EEF2K: variants seen among roughly 807,000 people sequenced by gnomAD.
EEF2K encodes the protein alternative protein EEF2K.
In EEF2K, 70 loss-of-function variants were observed where a neutral mutation model predicts 93.8. That is an observed-to-expected ratio of 0.75 (90% confidence interval 0.62 to 0.91). EEF2K has a LOEUF of 0.91. Ranked by LOEUF, EEF2K falls within the 40% of genes least tolerant of loss-of-function variation. The pLI is 0.00. For synonymous variants in EEF2K, 376 were observed against 380.8 expected (o/e 0.99, Z 0.15); for missense variants, 935 against 972.9 (o/e 0.96, Z 0.52).
chr16:22,207,296 C>T (rs2046873002), intron 1 of EEF2K, among the ~76,000 whole-genome samples: 1 of 152,148 alleles, frequency 6.6e-6, no homozygotes, highest in African/African-American at 2.4e-5. Context: ...AGCCCAGCTG[C>T]GCCCTGAGTG....
intron 17 of EEF2K, 35 bp downstream of exon 17, chr16:22,280,411 AG>A (rs754233699): frequency 7.9e-5 from 112 of 1,425,102 alleles, no homozygotes; most frequent in Non-Finnish European, 1.0e-4. Context: ...GGGCTGCAAC[AG>A]GGCTGGGCAG....
At position 22,273,646 on chromosome 16, in the gene EEF2K, C is replaced by T; in HGVS notation, c.1785C>T (p.Thr595=). Residue 595 remains threonine, a synonymous_variant, in exon 16 of 18, where the codon ACC becomes ACT. Transcript: ENST00000263026. The stretch of plus-strand genomic sequence containing the variant: ...AACAGGAGACAGAAGAGAACAAAAC[C>T]AAAGGATTTGATTACTTACTAAAGG... The part of the protein sequence containing the change: ...VSLKETEENK[T]KGFDYLLKAA... The T allele has an allele frequency of 1.2e-6, 2 of 1,614,124 alleles. No individual in the cohort carries two copies. The highest frequency in any genetic ancestry group is 1.7e-6 in the Non-Finnish European group (2 of 1,180,018).
intron 2 of EEF2K, among the ~76,000 whole-genome samples, chr16:22,233,427 C>T (rs2141657589): frequency 6.6e-6 from 1 of 151,836 alleles, no homozygotes; most frequent in Admixed American, 6.6e-5. Context: ...GTCTGTAATC[C>T]TAGGACTTTT....
At chr16:22,274,922 C>CT (rs1251197311) in intron 16 of EEF2K, among the ~76,000 whole-genome samples, 1 of 152,166 alleles carries the variant, frequency 6.6e-6, no homozygotes, top group Non-Finnish European at 1.5e-5. Flanking sequence ...TATTTTGGCT[C>CT]TATTTTTTGG....
Position 22,262,001 on chromosome 16 carries a change from CCACACA to C in EEF2K, c.1300-1078_1300-1073del, listed in dbSNP as rs71151667. On this transcript the variant is annotated intron_variant, in intron 11 of 17. Transcript: ENST00000263026. The stretch of plus-strand genomic sequence containing the variant: ...GCCTGGGTGACAACGTGAGACCCTG[CCACACA>C]CACACACACACACACACACACACAC... Among the ~76,000 whole-genome samples, 258 of 138,100 alleles carry C rather than the reference CCACACA, an allele frequency of 1.9e-3. 1 individual carries two copies. Among genetic ancestry groups the C allele is most frequent in the South Asian group, 4.6e-3 (19 of 4,134 alleles). 90.6% of individuals were successfully genotyped at this position (138,100 alleles called of 152,430 possible). A position where few individuals can be genotyped will look rare whatever the true frequency, so the allele number is the denominator to read the frequency against.
intron 2 of EEF2K, among the ~76,000 whole-genome samples, chr16:22,234,181 C>T (rs1159954680): frequency 3.9e-5 from 6 of 152,204 alleles, no homozygotes; most frequent in South Asian, 2.1e-4. Flanking sequence ...GTTACACCAT[C>T]GTGTGTGCCC....
rs1322257482 is a variant in EEF2K at position 22,284,675 on chromosome 16, T to A, written c.*679T>A. ...TGCCTTGAATGGACAATTTTAGGGC[T>A]GTGCTCACTAGTCTTTTCAGGCTGG... On this transcript the variant is annotated 3_prime_UTR_variant, in exon 18 of 18. Coordinates refer to ENST00000263026, the MANE Select transcript of EEF2K (RefSeq NM_013302.5). 1 of 152,050 alleles carries A rather than the reference T, an allele frequency of 6.6e-6. No individual in the cohort carries two copies. Among genetic ancestry groups the A allele is most frequent in the African/African-American group, 2.4e-5 (1 of 41,378 alleles). 9.4% of individuals were successfully genotyped at this position (152,050 alleles called of 1,614,324 possible). A position where few individuals can be genotyped will look rare whatever the true frequency, so the allele number is the denominator to read the frequency against.
In EEF2K at chr16:22,248,765, G is replaced by A. The variant is rs760638533; in HGVS notation, c.358G>A (p.Val120Ile). Reference sequence around the variant, plus strand: ...GATGGGTCTCTGCAGGTACAACGCCGTCACCGGGGAATGGCTGGATGATGA... The same window carrying A: ...GATGGGTCTCTGCAGGTACAACGCCATCACCGGGGAATGGCTGGATGATGA... ...ERATRHRYNA[V>I]TGEWLDDEVL... Residue 120 changes from valine (V) to isoleucine (I), a missense_variant, in exon 4 of 18, where the codon GTC becomes ATC. Coordinates refer to ENST00000263026, the MANE Select transcript of EEF2K (RefSeq NM_013302.5). 4.2e-5 allele frequency: 68 copies of A among 1,613,908 alleles called. No homozygotes were observed. In the Middle Eastern group the frequency reaches 1.5e-3, roughly 35 times the overall value.
chr16:22,218,593 A>T (rs2046982006), intron 1 of EEF2K, among the ~76,000 whole-genome samples: 1 of 152,170 alleles, frequency 6.6e-6, no homozygotes, highest in African/African-American at 2.4e-5. Context: ...AGACTGAAAT[A>T]GTGTATTCCC....
chr16:22,254,420 C>A (rs1450417169), intron 6 of EEF2K, among the ~76,000 whole-genome samples: 1 of 152,152 alleles, frequency 6.6e-6, no homozygotes, highest in African/African-American at 2.4e-5. Flanking sequence ...CCTTCGGCCT[C>A]TGCATCTGTT....
In EEF2K at chr16:22,280,911, C is replaced by T. The variant is rs190384450; in HGVS notation, c.2068+535C>T. 4.7e-4 allele frequency among the ~76,000 whole-genome samples: 71 copies of T among 152,226 alleles called. No individual in the cohort carries two copies. The East Asian group carries it at 0.012, about 27-fold the overall frequency. On this transcript the variant is annotated intron_variant, in intron 17 of 17. Transcript: ENST00000263026. ...CTCCTGACCTCAAGTGATCGGCCCACCTCGGCCTCCCAAAGTGCTGGATTA... is the reference window on the plus strand; with the variant it reads ...CTCCTGACCTCAAGTGATCGGCCCATCTCGGCCTCCCAAAGTGCTGGATTA...
intron 10 of EEF2K, among the ~76,000 whole-genome samples, chr16:22,259,728 C>T (rs2047443638): frequency 1.3e-5 from 2 of 151,874 alleles, no homozygotes; most frequent in South Asian, 2.1e-4. Context: ...TAGGGAACCA[C>T]CAGGAGATGG....
At chr16:22,222,896 G>GA (rs2047028345) in intron 1 of EEF2K, among the ~76,000 whole-genome samples, 3 of 151,334 alleles carry the variant, frequency 2.0e-5, no homozygotes, top group Admixed American at 2.0e-4. Flanking sequence ...TAGATAGATA[G>GA]TACAATTCAA....
chr16:22,232,702 G>A lies in EEF2K; in HGVS notation c.246+6727G>A, dbSNP rs1419645569. 7.9e-5 allele frequency among the ~76,000 whole-genome samples: 12 copies of A among 152,162 alleles called. No homozygotes were observed. The East Asian group carries it at 1.3e-3, about 17-fold the overall frequency. On this transcript the variant is annotated intron_variant, in intron 2 of 17. Transcript: ENST00000263026. The stretch of plus-strand genomic sequence containing the variant: ...GCGACCTCCATTCCCTTGGTCCTGC[G>A]TAGTAGGACTTGATAAAATGTTTGA...
chr16:22,238,244 G>A lies in EEF2K; in HGVS notation c.247-6386G>A, dbSNP rs183318247. Among the ~76,000 whole-genome samples, 58 of 152,176 alleles carry A rather than the reference G, an allele frequency of 3.8e-4. No individual in the cohort carries two copies. In the East Asian group the frequency reaches 6.8e-3, roughly 18 times the overall value. ...GGAGGTTGCAGTGAGCAGAGATGGC[G>A]CCACTGCACTCCAGCCTGGACGACA... is the stretch of plus-strand genomic sequence containing the variant. On this transcript the variant is annotated intron_variant, in intron 2 of 17. Coordinates refer to ENST00000263026, the MANE Select transcript of EEF2K (RefSeq NM_013302.5).
At chr16:22,237,093 C>T (rs555432592) in intron 2 of EEF2K, among the ~76,000 whole-genome samples, 6 of 151,472 alleles carry the variant, frequency 4.0e-5, no homozygotes, top group African/African-American at 9.7e-5. Context: ...CACAGGCACA[C>T]GTCACCACGC....
At chr16:22,262,940 G>A (rs1345944411) in intron 11 of EEF2K, among the ~76,000 whole-genome samples, 170 bp from the exon 12 acceptor site, 2 of 152,156 alleles carry the variant, frequency 1.3e-5, no homozygotes, top group African/African-American at 2.4e-5. Context: ...GCCTCCCAAA[G>A]TGCTGGGATT....
At chr16:22,211,493 C>T (rs1489743743) in intron 1 of EEF2K, among the ~76,000 whole-genome samples, 1 of 151,924 alleles carries the variant, frequency 6.6e-6, no homozygotes. Context: ...AGAGTCTTGC[C>T]CTGCTGCCCA....
At chr16:22,234,851 T>C (rs1281966690) in intron 2 of EEF2K, among the ~76,000 whole-genome samples, 1 of 151,082 alleles carries the variant, frequency 6.6e-6, no homozygotes, top group East Asian at 2.0e-4. Flanking sequence ...TCTGGCTTCT[T>C]TTGCTAAGCA....
Sources: gnomAD v4.1 joint callset for allele counts (sites outside exome capture counted in the v4.1 genomes callset) on GRCh38, gnomAD v4.1.1 for gene constraint, MANE v1.5 for transcripts, NCBI Gene and HGNC (gene_info 2026-07-23, HGNC 2026-07-21) for gene names.